The following RFX6 variants were observed in gnomAD, a reference collection of about 807,000 sequenced individuals.
The protein encoded by RFX6 is DNA-binding protein RFX6.
Under a neutral mutation model 110.8 loss-of-function variants are expected in RFX6, and 50 were observed. The ratio of observed to expected loss-of-function variants is 0.45; its 90% confidence interval spans 0.36 to 0.57. The LOEUF (loss-of-function observed/expected upper bound fraction) is 0.57. Ranked by LOEUF, RFX6 falls within the 20% of genes least tolerant of loss-of-function variation. The probability of loss-of-function intolerance (pLI) is 0.00; values close to 1 mark genes in which losing one functional copy is unlikely to be tolerated. For synonymous variants in RFX6, 383 were observed against 411.2 expected, an observed-to-expected ratio of 0.93 and a Z score of 0.83; for missense variants, 990 against 1,127.0, an observed-to-expected ratio of 0.88 and a Z score of 1.74.
At chr6:116,924,306 G>A (rs1775663669) in intron 14 of RFX6, among the ~76,000 whole-genome samples, 2 of 152,174 alleles carry the variant, frequency 1.3e-5, no homozygotes, top group South Asian at 4.1e-4. Context: ...ATAGAGCAGA[G>A]TAGAGCTCAT....
At chr6:116,906,636 G>A (rs1775208319) in intron 6 of RFX6, among the ~76,000 whole-genome samples, 1 of 151,790 alleles carries the variant, frequency 6.6e-6, no homozygotes, top group African/African-American at 2.4e-5. Context: ...AGATGAAATT[G>A]TTTTCTTAAT....
At chr6:116,925,340 T>G in intron 15 of RFX6, 113 bp from the exon 16 acceptor site, 1 of 951,288 alleles carries the variant, frequency 1.1e-6, no homozygotes, top group Non-Finnish European at 1.7e-6. Flanking sequence ...TGCTTAGTAG[T>G]TTCCAGATTA....
intron 6 of RFX6, among the ~76,000 whole-genome samples, chr6:116,906,844 T>C: frequency 7.0e-6 from 1 of 142,806 alleles, no homozygotes; most frequent in East Asian, 2.1e-4. Context: ...TCAATTTGGA[T>C]GCCTTGTGTT....
In RFX6 at chr6:116,932,079, A is replaced by G. The variant is rs1775898165; in HGVS notation, c.*573A>G. The G allele has an allele frequency of 6.5e-6, 1 of 153,158 alleles. No homozygotes were observed. The highest frequency in any genetic ancestry group is 2.4e-5 in the African/African-American group (1 of 41,468). The allele number at this position is 153,158 out of a possible 1,614,324, so 9.5% of individuals were successfully genotyped here. A position where few individuals can be genotyped will look rare whatever the true frequency, so the allele number is the denominator to read the frequency against. The stretch of plus-strand genomic sequence containing the variant: ...TGTCACATAGCAGCATTCCGATTCT[A>G]TGTAACTGAATGGAGATGATAAGTG... On this transcript the variant is annotated 3_prime_UTR_variant, in exon 19 of 19. Coordinates refer to ENST00000332958, the MANE Select transcript of RFX6 (RefSeq NM_173560.4).
At chr6:116,912,697 G>A (rs1775378934) in intron 7 of RFX6, among the ~76,000 whole-genome samples, 1 of 151,966 alleles carries the variant, frequency 6.6e-6, no homozygotes, top group Non-Finnish European at 1.5e-5. Flanking sequence ...TATACCTGGT[G>A]AGAGAGAGAG....
chr6:116,879,916 T>C (rs1774550601), intron 2 of RFX6, among the ~76,000 whole-genome samples: 1 of 152,048 alleles, frequency 6.6e-6, no homozygotes, highest in Non-Finnish European at 1.5e-5. Flanking sequence ...TGTTTGGAGA[T>C]ATCTATAGAG....
chr6:116,925,211 C>G (rs1235545106), intron 15 of RFX6, among the ~76,000 whole-genome samples: 1 of 152,110 alleles, frequency 6.6e-6, no homozygotes, highest in Non-Finnish European at 1.5e-5. Flanking sequence ...GACTTCACTC[C>G]AAACTGGATT....
intron 6 of RFX6, among the ~76,000 whole-genome samples, chr6:116,909,451 T>G (rs543663111): frequency 2.0e-5 from 3 of 151,970 alleles, no homozygotes; most frequent in Non-Finnish European, 4.4e-5. Context: ...TTTTCCCTAT[T>G]TATTGACAGT....
chr6:116,918,730 G>A (rs1016148549), intron 10 of RFX6, among the ~76,000 whole-genome samples: 4 of 151,892 alleles, frequency 2.6e-5, no homozygotes, highest in African/African-American at 7.2e-5. Context: ...ATGTTGCTTG[G>A]TAAAACAAAT....
At chr6:116,890,993 G>A (rs562773520) in intron 4 of RFX6, among the ~76,000 whole-genome samples, 15 of 152,280 alleles carry the variant, frequency 9.9e-5, no homozygotes, top group African/African-American at 3.6e-4. Context: ...TTACACATCT[G>A]TATTAGTTAG....
Position 116,882,402 on chromosome 6 carries a change from G to A in RFX6, c.540G>A (p.Arg180=), listed in dbSNP as rs569131448. ...AGAAGTTTCCCCTCCTAACAACAAG[G>A]CGGCTTGGAACAAGAGGCCATTCAA... ...IRQKFPLLTT[R]RLGTRGHSKY... is the part of the protein sequence containing the mutation. The change falls in exon 4 of 19, where the codon AGG becomes AGA. Residue 180 remains arginine, a synonymous_variant. Transcript: ENST00000332958. 97 of 1,612,646 alleles carry A rather than the reference G, an allele frequency of 6.0e-5. 2 individuals carry two copies. The South Asian group carries it at 9.8e-4, about 16-fold the overall frequency.
At chr6:116,924,967 C>T (rs558325050) in intron 15 of RFX6, among the ~76,000 whole-genome samples, 176 bp downstream of exon 15, 2 of 152,300 alleles carry the variant, frequency 1.3e-5, no homozygotes, top group South Asian at 4.1e-4. Context: ...TTCTTTCATT[C>T]ATTGCTATGT....
chr6:116,913,342 G>A (rs1003874139), intron 7 of RFX6, among the ~76,000 whole-genome samples: 5 of 152,282 alleles, frequency 3.3e-5, no homozygotes, highest in Admixed American at 1.3e-4. Flanking sequence ...GATTACAGGC[G>A]TAAGCCACCG....
At position 116,880,175 on chromosome 6, in the gene RFX6, A is replaced by G. The variant is rs552288480; in HGVS notation, c.381-369A>G. ...ACCTGAAGCTTGACAGCCCTTTAGT[A>G]CTAAGAATGTTTTAAAAAATACCCA... On this transcript the variant is annotated intron_variant, in intron 2 of 18. Transcript: ENST00000332958. Among the ~76,000 whole-genome samples the G allele has an allele frequency of 2.0e-4, 30 of 152,154 alleles. No individual in the cohort carries two copies. The South Asian group carries it at 6.0e-3, about 30-fold the overall frequency.
chr6:116,893,923 G>A, intron 4 of RFX6, 64 bp from the exon 5 acceptor site: 1 of 909,694 alleles, frequency 1.1e-6, no homozygotes, highest in Non-Finnish European at 1.9e-6. Context: ...TTATACCTTA[G>A]TCTCTTTTTC....
rs1775610075 is a variant in RFX6 at position 116,922,025 on chromosome 6, T to TTTC, written c.1328-15_1328-14insCTT. 1 of 1,107,578 alleles carries TTTC rather than the reference T, an allele frequency of 9.0e-7. No homozygotes were observed. Among genetic ancestry groups the TTTC allele is most frequent in the Admixed American group, 1.8e-5 (1 of 55,494 alleles). 68.6% of individuals were successfully genotyped at this position (1,107,578 alleles called of 1,614,324 possible). ...TTCTGTTTTCTTTTCTTTCTTTTTT[T>TTTC]TTTTTTTCCTGGGTAGATGACTCTA... is the stretch of plus-strand genomic sequence containing the variant. On this transcript the variant is annotated splice_polypyrimidine_tract_variant and intron_variant, in intron 12 of 18. Transcript: ENST00000332958.
At chr6:116,895,813 A>G (rs1246609935) in intron 6 of RFX6, among the ~76,000 whole-genome samples, 1 of 152,204 alleles carries the variant, frequency 6.6e-6, no homozygotes, top group African/African-American at 2.4e-5. Flanking sequence ...TCTCAAGTTA[A>G]CTAATCATTA....
chr6:116,929,242 A>G (rs996776672), intron 18 of RFX6, among the ~76,000 whole-genome samples: 4 of 152,200 alleles, frequency 2.6e-5, no homozygotes, highest in Non-Finnish European at 5.9e-5. Context: ...TAAGTATGCA[A>G]AAGATTAATA....
chr6:116,907,067 G>T, intron 6 of RFX6, among the ~76,000 whole-genome samples: 1 of 151,808 alleles, frequency 6.6e-6, no homozygotes, highest in Non-Finnish European at 1.5e-5. Flanking sequence ...GTTGAGTATT[G>T]TTATCATGAA....
Sources: allele counts gnomAD v4.1 joint callset (sites outside exome capture counted in the v4.1 genomes callset), GRCh38; gene constraint gnomAD v4.1.1; transcripts MANE v1.5; gene names NCBI Gene and HGNC (gene_info 2026-07-23, HGNC 2026-07-21).